Variants in GRWD1 observed in about 807,000 individuals in gnomAD.
GRWD1 encodes the protein glutamate rich WD repeat containing 1, also known as glutamate-rich WD repeat-containing protein 1.
In GRWD1, 29 loss-of-function variants were observed where a neutral mutation model predicts 45.3. That is an observed-to-expected ratio of 0.64 (90% CI 0.48 to 0.87). GRWD1 has a LOEUF of 0.87. Among genes scored for constraint, GRWD1 ranks in the 40% least tolerant of loss-of-function variants. The pLI is 0.00. For missense variants in GRWD1, 592 were observed against 618.8 expected, an observed-to-expected ratio of 0.96 and a Z score of 0.46; for synonymous variants, 262 against 257.6, an observed-to-expected ratio of 1.02 and a Z score of -0.16.
rs1032889890 is a variant in GRWD1, at chr19:48,456,864, T to C, written c.*3839T>C. 6.6e-6 allele frequency: 1 copy of C among 152,146 alleles called. No homozygotes were observed. The highest frequency in any genetic ancestry group is 1.5e-5 in the Non-Finnish European group (1 of 68,038). 9.4% of individuals were successfully genotyped at this position (152,146 alleles called of 1,614,324 possible). On this transcript the variant is annotated 3_prime_UTR_variant, in exon 7 of 7. Transcript: ENST00000253237. The stretch of plus-strand genomic sequence containing the variant: ...TATTTTTTATTTTTAATTATTTATT[T>C]ATTTTTTAGAGACAGGGTTTTGCTG...
Position 48,448,434 on chromosome 19 carries a change from G to A in GRWD1, c.468+1591G>A, listed in dbSNP as rs545400973. ...CTAGATGCAGAGGATTTAGCAGCAA[G>A]CAAAAGGTCTCTGGCTCCATCAACT... On this transcript the variant is annotated intron_variant, in intron 3 of 6. Transcript: ENST00000253237. Among the ~76,000 whole-genome samples, 4 of 152,282 alleles carry A rather than the reference G, an allele frequency of 2.6e-5. No individual in the cohort carries two copies. The South Asian group carries it at 8.3e-4, about 32-fold the overall frequency.
chr19:48,446,823 G>A lies in GRWD1; in HGVS notation c.448G>A (p.Gly150Ser). 1.2e-6 allele frequency: 2 copies of A among 1,613,616 alleles called. No homozygotes were observed. The highest frequency in any genetic ancestry group is 2.2e-5 in the East Asian group (1 of 44,880). ...GGAGCTGGCCATGGTGCCCCACTAT[G>A]GTGGCATCAACCGAGTTCGGGTAAG... Reference protein sequence around the residue: ...QLELAMVPHYGGINRVRVSWL... With the variant: ...QLELAMVPHYSGINRVRVSWL... The change falls in exon 3 of 7, where the codon GGT becomes AGT. Residue 150 changes from glycine to serine, a missense_variant. By Grantham distance (56) the Gly-to-Ser change is moderately conservative. Transcript: ENST00000253237.
rs542693042 is a variant in GRWD1 at position 48,454,809 on chromosome 19, A to G, written c.*1784A>G. ...TTTATGCATTTTCTCACTGGCTTCC[A>G]TCCTTTCAGAGAAACCCTCTCAGTC... On this transcript the variant is annotated 3_prime_UTR_variant, in exon 7 of 7. Transcript: ENST00000253237. The G allele has an allele frequency of 6.6e-6, 1 of 151,774 alleles. No homozygotes were observed. Among genetic ancestry groups the G allele is most frequent in the East Asian group, 1.9e-4 (1 of 5,136 alleles). 9.4% of individuals were successfully genotyped at this position (151,774 alleles called of 1,614,324 possible).
Position 48,446,147 on chromosome 19 carries a change from G to T in GRWD1, c.142G>T (p.Val48Phe). Residue 48 changes from valine (V) to phenylalanine (F), a missense_variant, in exon 1 of 7, where the codon GTC becomes TTC. Transcript: ENST00000253237. Reference sequence around the variant, plus strand: ...GCCGCTACGCGAAGGGGAGGAGCTGGTCATGGACGAGGAGGCCTATGTGCT... The same window carrying T: ...GCCGCTACGCGAAGGGGAGGAGCTGTTCATGGACGAGGAGGCCTATGTGCT... ...GPPLREGEEL[V>F]MDEEAYVLYH... is the part of the protein sequence containing the mutation. 1 of 1,607,946 alleles carries T rather than the reference G, an allele frequency of 6.2e-7. No homozygotes were observed. Among genetic ancestry groups the T allele is most frequent in the African/African-American group, 1.3e-5 (1 of 74,822 alleles).
At position 48,446,727 on chromosome 19, in the gene GRWD1, C is replaced by T. The variant is rs746925561; in HGVS notation, c.352C>T (p.Pro118Ser). ...CAATCTGCATGGGACAAAGCCCCCA[C>T]CCTCAGAGGGCAGTGATGAAGAAGA... ...MHNLHGTKPP[P>S]SEGSDEEEEE... Residue 118 changes from proline (P) to serine (S), a missense_variant, in exon 3 of 7, where the codon CCC (proline) becomes TCC (serine). Pro to Ser is a moderately conservative substitution (Grantham distance 74, BLOSUM62 -1). Coordinates refer to ENST00000253237, the MANE Select transcript of GRWD1 (RefSeq NM_031485.4). 3.7e-6 allele frequency: 6 copies of T among 1,612,668 alleles called. No individual in the cohort carries two copies. In the East Asian group the frequency reaches 8.9e-5, roughly 24 times the overall value.
At position 48,451,083 on chromosome 19, in the gene GRWD1, G is replaced by A. The variant is rs367969982; in HGVS notation, c.875G>A (p.Arg292Gln). 56 of 1,613,902 alleles carry A rather than the reference G, an allele frequency of 3.5e-5. No individual in the cohort carries two copies. Among genetic ancestry groups the A allele is most frequent in the African/African-American group, 2.8e-4 (21 of 74,890 alleles). Reference protein sequence around the residue: ...ADASIRIWDIRAAPSKACMLT... With the variant: ...ADASIRIWDIQAAPSKACMLT... ...GCCTCCATCCGCATCTGGGACATCC[G>A]GGCAGCCCCCAGCAAGGCCTGCATG... The change falls in exon 6 of 7, where the codon CGG becomes CAG. Residue 292 changes from arginine (R) to glutamine (Q), a missense_variant. Transcript: ENST00000253237.
rs1326072648 is a variant in GRWD1, at chr19:48,450,866, A to G, written c.825+58A>G. On this transcript the variant is annotated intron_variant, in intron 5 of 6. Coordinates refer to ENST00000253237, the MANE Select transcript of GRWD1 (RefSeq NM_031485.4). This position sits in a 1 kb window ranked among gnomAD's most constrained non-coding sequence, Gnocchi z 5.1. ...CTGATGGATTCTAGGCCAGGGACCT[A>G]GAATCCTAGGTCTGAGGGAAAAGAG... 3.8e-6 allele frequency: 6 copies of G among 1,562,310 alleles called. No individual in the cohort carries two copies. The highest frequency in any genetic ancestry group is 1.8e-5 in the Admixed American group (1 of 54,066).
At chr19:48,449,654 C>T (rs1178278012) in intron 3 of GRWD1, among the ~76,000 whole-genome samples, 1 of 152,236 alleles carries the variant, frequency 6.6e-6, no homozygotes, top group Middle Eastern at 3.4e-3. Context: ...GAGACCCTGT[C>T]TCTACAAAAA....
In GRWD1 at chr19:48,446,454, C is replaced by G. The variant is rs1170580274; in HGVS notation, c.257C>G (p.Thr86Arg). The G allele has an allele frequency of 6.2e-7, 1 of 1,614,178 alleles. No homozygotes were observed. The highest frequency in any genetic ancestry group is 1.7e-5 in the Admixed American group (1 of 60,020). Residue 86 changes from threonine to arginine, a missense_variant, in exon 2 of 7, where the codon ACA becomes AGA. Physicochemically the swap from Thr to Arg is moderately conservative, Grantham distance 71. Coordinates refer to ENST00000253237, the MANE Select transcript of GRWD1 (RefSeq NM_031485.4). ...GACAACCGGACAGAGCTTCCTCTTA[C>G]ACTTTACTTGTGTGCTGGGACCCAG... ...LGDNRTELPLTLYLCAGTQAE... is the reference protein window; with the variant it reads ...LGDNRTELPLRLYLCAGTQAE...
At chr19:48,446,596 A>G in intron 2 of GRWD1, 85 bp from the exon 3 acceptor site, 1 of 1,556,620 alleles carries the variant, frequency 6.4e-7, no homozygotes, top group Admixed American at 1.9e-5. Context: ...TGCCTCTCGC[A>G]GATCCAGGAG....
At chr19:48,446,234 C>G in intron 1 of GRWD1, 42 bp downstream of exon 1, 1 of 1,577,828 alleles carries the variant, frequency 6.3e-7, no homozygotes, top group Non-Finnish European at 8.6e-7. Context: ...GGTGGCTGAT[C>G]CCGAGCCTTT....
At position 48,452,883 on chromosome 19, in the gene GRWD1, T is replaced by A. The variant is rs760482921; in HGVS notation, c.1199T>A (p.Leu400Gln). 1.9e-6 allele frequency: 3 copies of A among 1,612,464 alleles called. No individual in the cohort carries two copies. The highest frequency in any genetic ancestry group is 1.7e-5 in the Admixed American group (1 of 60,006). Residue 400 changes from leucine to glutamine, a missense_variant, in exon 7 of 7, where the codon CTG (leucine) becomes CAG (glutamine). By Grantham distance (113) the Leu-to-Gln change is moderately radical. Transcript: ENST00000253237. The surrounding 1 kb of genome is among the most constrained non-coding windows in gnomAD (Gnocchi z 5.1). ...EAGDVEADPG[L>Q]ADLPQQLLFV... ...GGCGACGTGGAGGCCGACCCCGGACTGGCCGACCTCCCGCAGCAGCTGCTG... is the reference window on the plus strand; with the variant it reads ...GGCGACGTGGAGGCCGACCCCGGACAGGCCGACCTCCCGCAGCAGCTGCTG...
rs1255362303 is a variant in GRWD1 at position 48,455,337 on chromosome 19, G to A, written c.*2312G>A. 6.6e-6 allele frequency: 1 copy of A among 152,214 alleles called. No homozygotes were observed. Among genetic ancestry groups the A allele is most frequent in the Non-Finnish European group, 1.5e-5 (1 of 68,054 alleles). The allele number at this position is 152,214 out of a possible 1,614,324, so 9.4% of individuals were successfully genotyped here. ...CAGCCCCCACCAGTAGGTGGGGAGTGGTGGGGAACACCCCTGGTTTCGGAA... is the reference window on the plus strand; with the variant it reads ...CAGCCCCCACCAGTAGGTGGGGAGTAGTGGGGAACACCCCTGGTTTCGGAA... On this transcript the variant is annotated 3_prime_UTR_variant, in exon 7 of 7. Coordinates refer to ENST00000253237, the MANE Select transcript of GRWD1 (RefSeq NM_031485.4).
Position 48,456,109 on chromosome 19 carries a change from C to T in GRWD1, c.*3084C>T, listed in dbSNP as rs1416001617. ...TTGGCTTTTCTGTGAAAAGCCAGGTCCCTTCATCAAAGGGCTTTGGTGAGA... is the reference window on the plus strand; with the variant it reads ...TTGGCTTTTCTGTGAAAAGCCAGGTTCCTTCATCAAAGGGCTTTGGTGAGA... On this transcript the variant is annotated 3_prime_UTR_variant, in exon 7 of 7. Transcript: ENST00000253237. The T allele has an allele frequency of 1.3e-5, 2 of 152,280 alleles. No homozygotes were observed. Among genetic ancestry groups the T allele is most frequent in the Admixed American group, 1.3e-4 (2 of 15,288 alleles). 9.4% of individuals were successfully genotyped at this position (152,280 alleles called of 1,614,324 possible).
intron 6 of GRWD1, 73 bp downstream of exon 6, chr19:48,451,304 T>C: frequency 2.2e-6 from 3 of 1,357,340 alleles, no homozygotes; most frequent in Non-Finnish European, 2.0e-6. Context: ...GTAGGATTTT[T>C]CCTCCTTGAA....
Position 48,448,546 on chromosome 19 carries a change from A to G in GRWD1, c.468+1703A>G, listed in dbSNP as rs149780640. The stretch of plus-strand genomic sequence containing the variant: ...TGTTAACTATCCTGGAAAAAATCCA[A>G]TGAAGTAGGGGAAGAGGGTTAGGGT... On this transcript the variant is annotated intron_variant, in intron 3 of 6. Transcript: ENST00000253237. Among the ~76,000 whole-genome samples the G allele has an allele frequency of 9.8e-4, 150 of 152,314 alleles. 1 individual carries two copies. The highest frequency in any genetic ancestry group is 2.9e-3 in the African/African-American group (121 of 41,578).
rs1217636831 is a variant in GRWD1 at position 48,446,101 on chromosome 19, C to G, written c.96C>G (p.Val32=). ...CAAGTTCCGAGGGCCCGGCCCAGGT[C>G]TACCTGCCCGGCCGGGGGCCGCCGC... is the stretch of plus-strand genomic sequence containing the variant. ...GDTSSEGPAQ[V]YLPGRGPPLR... The change falls in exon 1 of 7, where the codon GTC becomes GTG. Residue 32 remains valine (V), a synonymous_variant. Transcript: ENST00000253237. The G allele has an allele frequency of 6.3e-7, 1 of 1,594,608 alleles. No homozygotes were observed.
intron 2 of GRWD1, 56 bp downstream of exon 2, chr19:48,446,558 G>A: frequency 1.3e-6 from 2 of 1,587,456 alleles, no homozygotes; most frequent in South Asian, 2.2e-5. Flanking sequence ...CCCTTCCTCA[G>A]CACCCAGGAG....
Position 48,456,817 on chromosome 19 carries a change from C to T in GRWD1, c.*3792C>T, listed in dbSNP as rs1971544027. 6.6e-6 allele frequency: 1 copy of T among 151,930 alleles called. No homozygotes were observed. Among genetic ancestry groups the T allele is most frequent in the Non-Finnish European group, 1.5e-5 (1 of 67,992 alleles). 9.4% of individuals were successfully genotyped at this position (151,930 alleles called of 1,614,324 possible). ...TCCACCCTGACAGGCTGCTGCGATT[C>T]CCTCCATTTCTTTTCTTCCTTTATT... On this transcript the variant is annotated 3_prime_UTR_variant, in exon 7 of 7. Coordinates refer to ENST00000253237, the MANE Select transcript of GRWD1 (RefSeq NM_031485.4).
Sources: allele counts gnomAD v4.1 joint callset (sites outside exome capture counted in the v4.1 genomes callset), GRCh38; gene constraint gnomAD v4.1.1; non-coding constraint Gnocchi (gnomAD v3.1); transcripts MANE v1.5; gene names NCBI Gene and HGNC (gene_info 2026-07-23, HGNC 2026-07-21).